ARHGAP19: variants seen among roughly 807,000 people sequenced by gnomAD.
ARHGAP19 encodes rho GTPase-activating protein 19.
Under a neutral mutation model 60.9 loss-of-function variants are expected in ARHGAP19, and 48 were observed. That is an observed-to-expected ratio of 0.79 (90% CI 0.62 to 1.00). The LOEUF is 1.00. ARHGAP19 is among the 50% of genes least tolerant of loss of function. The pLI, the probability that ARHGAP19 is intolerant of heterozygous loss-of-function variation, is 0.00. For missense variants in ARHGAP19, 562 were observed against 597.2 expected (o/e 0.94, Z 0.61); for synonymous variants, 209 against 215.5 (o/e 0.97, Z 0.27).
chr10:97,270,611 TG>T, intron 1 of ARHGAP19: 1 of 1,548,120 alleles, frequency 6.5e-7, no homozygotes, highest in South Asian at 1.2e-5. Context: ...CTTACATAAG[TG>T]CTGAAAGTTT....
chr10:97,268,817 A>C (rs757434410), intron 1 of ARHGAP19, among the ~76,000 whole-genome samples: 31 of 152,338 alleles, frequency 2.0e-4, no homozygotes, highest in Middle Eastern at 6.8e-3. Flanking sequence ...GGACATAGCC[A>C]AACCATATCA....
chr10:97,224,772 T>C lies in ARHGAP19; in HGVS notation c.*1350A>G, dbSNP rs1017463768. On this transcript the variant is annotated 3_prime_UTR_variant, in exon 12 of 12. Transcript: ENST00000358531. ...AGGCACAAACCTGAGCATTCCCCCCTGCTACATGCTGCTCTCTGGGCAGAC... is the reference window on the plus strand; with the variant it reads ...AGGCACAAACCTGAGCATTCCCCCCCGCTACATGCTGCTCTCTGGGCAGAC... 1 of 152,334 alleles carries C rather than the reference T, an allele frequency of 6.6e-6. No individual in the cohort carries two copies. The highest frequency in any genetic ancestry group is 1.5e-5 in the Non-Finnish European group (1 of 68,146). The allele number at this position is 152,334 out of a possible 1,614,324, so 9.4% of individuals were successfully genotyped here. A position where few individuals can be genotyped will look rare whatever the true frequency, so the allele number is the denominator to read the frequency against.
intron 6 of ARHGAP19, among the ~76,000 whole-genome samples, chr10:97,255,801 G>T (rs980375099): frequency 6.6e-6 from 1 of 152,100 alleles, no homozygotes; most frequent in Non-Finnish European, 1.5e-5. Context: ...CTGTCCCTTA[G>T]GTTTCTCAGC....
chr10:97,288,808 CCT>C (rs1843190042), intron 1 of ARHGAP19, among the ~76,000 whole-genome samples: 1 of 141,574 alleles, frequency 7.1e-6, no homozygotes, highest in African/African-American at 2.8e-5. Flanking sequence ...AAACTTCTCT[CCT>C]TTTTTTTTTT....
chr10:97,262,716 G>A (rs753915451), intron 4 of ARHGAP19, among the ~76,000 whole-genome samples: 10 of 152,008 alleles, frequency 6.6e-5, no homozygotes, highest in Non-Finnish European at 1.0e-4. Context: ...GCCCTCAACC[G>A]AGGCATAGAA....
chr10:97,239,552 GTGTGT>G lies in ARHGAP19; in HGVS notation c.1186-4242_1186-4238del, dbSNP rs1241618661. Among the ~76,000 whole-genome samples the G allele has an allele frequency of 3.0e-3, 30 of 9,914 alleles. 2 individuals are homozygous for G. Among genetic ancestry groups the G allele is most frequent in the Admixed American group, 7.5e-3 (4 of 532 alleles). The allele number at this position is 9,914 out of a possible 152,430, so 6.5% of individuals were successfully genotyped here. A position where few individuals can be genotyped will look rare whatever the true frequency, so the allele number is the denominator to read the frequency against. On this transcript the variant is annotated intron_variant, in intron 8 of 11. Coordinates refer to ENST00000358531, the MANE Select transcript of ARHGAP19 (RefSeq NM_032900.6). ...AGGGAGTGAGAGAGAGAGAGAGAGG[GTGTGT>G]GTGTGTGTGTGTGTGTGTGTGTGTG... is the stretch of plus-strand genomic sequence containing the variant.
chr10:97,270,498 G>C (rs1441184601), intron 1 of ARHGAP19: 1 of 773,880 alleles, frequency 1.3e-6, no homozygotes, highest in Non-Finnish European at 2.0e-6. Flanking sequence ...GAAATGTATA[G>C]GACTAAAGAA....
chr10:97,235,400 A>G, intron 8 of ARHGAP19, 85 bp from the exon 9 acceptor site: 6 of 1,247,594 alleles, frequency 4.8e-6, no homozygotes, highest in Non-Finnish European at 6.9e-6. Flanking sequence ...AAGTGTAAAT[A>G]AAAGTCCAGG....
At chr10:97,290,424 A>G (rs1339888430) in intron 1 of ARHGAP19, among the ~76,000 whole-genome samples, 1 of 152,206 alleles carries the variant, frequency 6.6e-6, no homozygotes, top group Non-Finnish European at 1.5e-5. Context: ...GTTGAACACC[A>G]GTCACTGGGT....
chr10:97,288,628 CAGAGCA>C (rs942170574), intron 1 of ARHGAP19, among the ~76,000 whole-genome samples: 14 of 150,938 alleles, frequency 9.3e-5, no homozygotes, highest in Non-Finnish European at 1.6e-4. Flanking sequence ...TTAATCCCTG[CAGAGCA>C]AGAGCAAGAA....
intron 1 of ARHGAP19, among the ~76,000 whole-genome samples, chr10:97,290,818 C>A (rs1437523470): frequency 2.6e-5 from 4 of 152,096 alleles, no homozygotes. Flanking sequence ...TCGAAGGCAA[C>A]CCTCCCGAGG....
At chr10:97,257,470 T>G (rs1367236633) in intron 5 of ARHGAP19, among the ~76,000 whole-genome samples, 4 of 151,924 alleles carry the variant, frequency 2.6e-5, no homozygotes, top group Non-Finnish European at 2.9e-5. Flanking sequence ...CTTTTCCTTT[T>G]GTAGAGACAA....
chr10:97,266,161 T>C (rs751188424), intron 1 of ARHGAP19, 36 bp from the exon 2 acceptor site: 2 of 1,607,342 alleles, frequency 1.2e-6, no homozygotes, highest in Non-Finnish European at 1.7e-6. Context: ...CGGGACATCA[T>C]TTTTGTATGT....
At chr10:97,277,957 A>C (rs772410018) in intron 1 of ARHGAP19, 5 of 152,256 alleles carry the variant, frequency 3.3e-5, no homozygotes, top group Non-Finnish European at 7.3e-5. Flanking sequence ...TAAAACCACA[A>C]GTCTGCCTTT....
intron 6 of ARHGAP19, among the ~76,000 whole-genome samples, chr10:97,252,983 T>G (rs778580980): frequency 1.3e-5 from 2 of 152,096 alleles, no homozygotes; most frequent in East Asian, 1.9e-4. Flanking sequence ...AAAAAAAGAA[T>G]GAAATCCTGT....
intron 5 of ARHGAP19, among the ~76,000 whole-genome samples, chr10:97,258,063 T>C (rs570700585): frequency 3.9e-4 from 60 of 152,310 alleles, no homozygotes; most frequent in African/African-American, 1.4e-3. Context: ...ATAATTTGTT[T>C]TGTTATAGAT....
intron 6 of ARHGAP19, among the ~76,000 whole-genome samples, chr10:97,249,324 T>C (rs1057422226): frequency 1.3e-5 from 2 of 152,216 alleles, no homozygotes; most frequent in African/African-American, 4.8e-5. Context: ...AACTGAAAGA[T>C]CTGGCAGTTA....
At chr10:97,264,225 A>G (rs1253382) in intron 3 of ARHGAP19, among the ~76,000 whole-genome samples, 142,910 of 152,190 alleles carry the variant, frequency 0.94, 67,735 homozygotes, top group East Asian at 1. Context: ...GCCTAGGCGG[A>G]TGAATCACTT....
At chr10:97,239,551 G>GGTGTGTGTGTGTGTGTGT (rs201308961) in intron 8 of ARHGAP19, among the ~76,000 whole-genome samples, 1 of 20,218 alleles carries the variant, frequency 4.9e-5, no homozygotes, top group African/African-American at 7.0e-5. Flanking sequence ...AGAGAGAGAG[G>GGTGTGTGTGTGTGTGTGT]GTGTGTGTGT....
Sources: allele counts gnomAD v4.1 joint callset (sites outside exome capture counted in the v4.1 genomes callset), GRCh38; gene constraint gnomAD v4.1.1; transcripts MANE v1.5; gene names NCBI Gene and HGNC (gene_info 2026-07-23, HGNC 2026-07-21).